The following ZNF215 variants were observed in gnomAD, a reference collection of about 807,000 sequenced individuals.
ZNF215 encodes the protein BWSCR2-associated zinc finger protein 2.
Under a neutral mutation model 27.2 loss-of-function variants are expected in ZNF215, and 24 were observed. The ratio of observed to expected loss-of-function variants is 0.88; its 90% CI spans 0.64 to 1.24. The LOEUF is 1.24. Ranked by LOEUF, ZNF215 falls within the 50% of genes most tolerant of loss-of-function variation. ZNF215 has a pLI of 0.00. For synonymous variants in ZNF215, 210 were observed against 204.0 expected (o/e 1.03, Z -0.25); for missense variants, 675 against 605.7 (o/e 1.11, Z -1.20).
intron 5 of ZNF215, among the ~76,000 whole-genome samples, chr11:6,972,092 T>C (rs953095322): frequency 2.0e-5 from 3 of 152,156 alleles, no homozygotes; most frequent in Non-Finnish European, 2.9e-5. Context: ...ACCTTGAGAC[T>C]GCCTACTATT....
intron 5 of ZNF215, among the ~76,000 whole-genome samples, chr11:6,981,577 G>A (rs1233159901): frequency 6.6e-6 from 1 of 151,868 alleles, no homozygotes; most frequent in Non-Finnish European, 1.5e-5. Flanking sequence ...CACTCTGATG[G>A]TAGTTTCTTT....
intron 5 of ZNF215, among the ~76,000 whole-genome samples, chr11:6,964,189 T>C (rs981831059): frequency 6.6e-6 from 1 of 152,050 alleles, no homozygotes; most frequent in African/African-American, 2.4e-5. Flanking sequence ...ATATTCTAGA[T>C]GGAAGTCATT....
downstream of ZNF215, chr11:6,958,147 G>A (rs2857903): frequency 0.22 from 190,759 of 873,446 alleles, 21,269 homozygotes; most frequent in African/African-American, 0.32. Flanking sequence ...ATAACTTGTA[G>A]AGAAGCCTAA....
At chr11:6,994,201 T>TTG (rs1554948444) in intron 6 of ZNF215, among the ~76,000 whole-genome samples, 2 of 149,044 alleles carry the variant, frequency 1.3e-5, no homozygotes, top group African/African-American at 4.9e-5. Flanking sequence ...TTTTATATAT[T>TTG]ATATATTAAT....
chr11:6,942,550 A>G (rs1488861146), intron 4 of ZNF215, among the ~76,000 whole-genome samples: 1 of 152,222 alleles, frequency 6.6e-6, no homozygotes, highest in Non-Finnish European at 1.5e-5. Context: ...ACTGATTAGT[A>G]GGGAGGCTAC....
In ZNF215 at chr11:6,951,956, A is replaced by G. The variant is rs573179183; in HGVS notation, c.713-3734A>G. On this transcript the variant is annotated intron_variant, in intron 6 of 6. Coordinates refer to ENST00000278319, the MANE Select transcript of ZNF215 (RefSeq NM_013250.4). ...GTGTCTTTGTTCTCACTGGTTTCAA[A>G]GAACATCTTTATTTCTGCCTTCATT... 2.3e-3 allele frequency among the ~76,000 whole-genome samples: 355 copies of G among 152,288 alleles called. 2 individuals carry two copies. Among genetic ancestry groups the G allele is most frequent in the African/African-American group, 8.2e-3 (339 of 41,568 alleles).
At chr11:6,973,084 C>T (rs1357290502) in intron 5 of ZNF215, among the ~76,000 whole-genome samples, 9 of 152,010 alleles carry the variant, frequency 5.9e-5, no homozygotes, top group African/African-American at 1.7e-4. Flanking sequence ...GTGTGATGTC[C>T]CCCTTCCTGT....
intron 5 of ZNF215, among the ~76,000 whole-genome samples, chr11:6,968,134 A>C (rs1465824007): frequency 6.6e-6 from 1 of 152,040 alleles, no homozygotes; most frequent in African/African-American, 2.4e-5. Flanking sequence ...GTTCTGTTCC[A>C]TTGGTCTATA....
intron 3 of ZNF215, among the ~76,000 whole-genome samples, chr11:6,937,492 T>C (rs1849478376): frequency 1.8e-5 from 1 of 56,920 alleles, no homozygotes; most frequent in East Asian, 5.3e-4. Flanking sequence ...GCTGCTTTTT[T>C]TTTTTTTTTT....
downstream of ZNF215, among the ~76,000 whole-genome samples, chr11:6,961,124 G>A (rs1391848024): frequency 1.3e-5 from 2 of 152,052 alleles, 1 homozygote; most frequent in Non-Finnish European, 2.9e-5. Context: ...CAACCCAAAT[G>A]TAACTTACAT....
chr11:6,962,927 G>T (rs533636439), downstream of ZNF215, among the ~76,000 whole-genome samples: 1 of 151,950 alleles, frequency 6.6e-6, no homozygotes, highest in Admixed American at 6.6e-5. Context: ...TATTTTTCCT[G>T]TGTCATGTTG....
At chr11:6,984,294 AAATGGG>A in exon 6 of ZNF215, 1 of 251,134 alleles carries the variant, frequency 4.0e-6, no homozygotes, top group Non-Finnish European at 7.9e-6. Flanking sequence ...TTTCTAGTAG[AAATGGG>A]GTTTCACCAT....
intron 6 of ZNF215, among the ~76,000 whole-genome samples, chr11:6,947,104 G>T (rs759036165): frequency 6.6e-6 from 1 of 151,934 alleles, no homozygotes; most frequent in Non-Finnish European, 1.5e-5. Context: ...TTTCCCCATT[G>T]TTTTATATCT....
At chr11:6,951,124 A>G (rs994795183) in intron 6 of ZNF215, among the ~76,000 whole-genome samples, 4 of 152,098 alleles carry the variant, frequency 2.6e-5, no homozygotes, top group African/African-American at 9.7e-5. Flanking sequence ...GTGCTGCTGG[A>G]TTTGCTTTGC....
chr11:6,978,033 G>A (rs1166715175), intron 5 of ZNF215, among the ~76,000 whole-genome samples: 1 of 152,040 alleles, frequency 6.6e-6, no homozygotes, highest in South Asian at 2.1e-4. Flanking sequence ...TCCCATCAGT[G>A]TAATGCCTCT....
At chr11:6,931,374 C>T (rs1849252720) in intron 2 of ZNF215, among the ~76,000 whole-genome samples, 1 of 152,194 alleles carries the variant, frequency 6.6e-6, no homozygotes, top group East Asian at 1.9e-4. Context: ...GAGCTAAATT[C>T]TGCAAAGACT....
downstream of ZNF215, among the ~76,000 whole-genome samples, chr11:6,962,012 TGGGTCAGCA>T (rs1850525453): frequency 6.6e-6 from 1 of 152,148 alleles, no homozygotes; most frequent in South Asian, 2.1e-4. Context: ...TGTTTTCCTC[TGGGTCAGCA>T]GGAAACAGAT....
intron 5 of ZNF215, chr11:6,983,987 C>T (rs189669229): frequency 1.1e-3 from 268 of 233,668 alleles, no homozygotes; most frequent in Non-Finnish European, 1.8e-3. Context: ...TGAGACTAAA[C>T]GCCTAAAACA....
downstream of ZNF215, among the ~76,000 whole-genome samples, chr11:6,993,124 G>A (rs2857905): frequency 0.99 from 151,073 of 152,328 alleles, 74,927 homozygotes; most frequent in Middle Eastern, 1. Context: ...CCACATAGAC[G>A]TAATAGTTTT....
Sources: allele counts gnomAD v4.1 joint callset (sites outside exome capture counted in the v4.1 genomes callset), GRCh38; gene constraint gnomAD v4.1.1; transcripts MANE v1.5; gene names NCBI Gene and HGNC (gene_info 2026-07-23, HGNC 2026-07-21).